Variants in MIA2 observed in about 807,000 individuals in gnomAD.
MIA2 encodes the protein melanoma inhibitory activity protein 2.
Under a neutral mutation model 167.8 loss-of-function variants are expected in MIA2, and 127 were observed. The ratio of observed to expected loss-of-function variants is 0.76; its 90% CI spans 0.66 to 0.88. The LOEUF (loss-of-function observed/expected upper bound fraction) is 0.88. Among genes scored for constraint, MIA2 ranks in the 40% least tolerant of loss-of-function variants. MIA2 has a pLI of 0.00. For synonymous variants in MIA2, 552 were observed against 541.9 expected (o/e 1.02, Z -0.26); for missense variants, 1,690 against 1,624.7 (o/e 1.04, Z -0.69).
At chr14:39,286,094 G>A (rs1325636985) in intron 9 of MIA2, among the ~76,000 whole-genome samples, 13 of 152,114 alleles carry the variant, frequency 8.5e-5, no homozygotes, top group Middle Eastern at 6.8e-3. Flanking sequence ...CAAGGCAGGT[G>A]GCTGGGAGGT....
chr14:39,294,896 A>G, intron 12 of MIA2, 29 bp from the exon 13 acceptor site: 1 of 1,432,624 alleles, frequency 7.0e-7, no homozygotes, highest in Non-Finnish European at 9.8e-7. Context: ...ATTAATTGTT[A>G]CAAACTTGAC....
intron 19 of MIA2, 52 bp from the exon 20 acceptor site, chr14:39,314,687 C>A: frequency 1.7e-6 from 2 of 1,177,204 alleles, no homozygotes; most frequent in Non-Finnish European, 2.3e-6. Context: ...AGAGTATGTT[C>A]TGTCATTTCA....
chr14:39,276,816 G>A, intron 6 of MIA2, 118 bp from the exon 7 acceptor site: 1 of 1,036,256 alleles, frequency 9.7e-7, no homozygotes, highest in Non-Finnish European at 1.4e-6. Flanking sequence ...GATACTTTCT[G>A]TTTGGTGTTA....
chr14:39,295,297 C>T (rs1018944259), intron 13 of MIA2, among the ~76,000 whole-genome samples: 8 of 152,100 alleles, frequency 5.3e-5, no homozygotes, highest in South Asian at 4.2e-4. Context: ...AAAGCCATGC[C>T]GAAGGGGTAC....
chr14:39,341,667 GAAA>G (rs561192404), intron 25 of MIA2, among the ~76,000 whole-genome samples: 1 of 151,774 alleles, frequency 6.6e-6, no homozygotes, highest in Non-Finnish European at 1.5e-5. Flanking sequence ...GATCTGAAGA[GAAA>G]AAAAGGTATG....
At chr14:39,258,202 C>G (rs2054909983) in intron 6 of MIA2, among the ~76,000 whole-genome samples, 2 of 152,140 alleles carry the variant, frequency 1.3e-5, no homozygotes, top group African/African-American at 4.8e-5. Flanking sequence ...TCCATTCTCT[C>G]CATTACTTTC....
chr14:39,315,644 A>G (rs763559449), intron 20 of MIA2, 39 bp from the exon 21 acceptor site: 9 of 1,468,914 alleles, frequency 6.1e-6, no homozygotes, highest in Non-Finnish European at 7.5e-6. Context: ...ACTTAAGAAA[A>G]ATAATGGTCA....
rs373046158 is a variant in MIA2 at position 39,307,390 on chromosome 14, ATTTTTTTT to A, written c.2879-1038_2879-1031del. Reference sequence around the variant, plus strand: ...ATAAATAATAACAAAAGTTAAAAGAATTTTTTTTTTTTTTTTTTTTTTTTTTTTGGAGA... The same window carrying A: ...ATAAATAATAACAAAAGTTAAAAGAATTTTTTTTTTTTTTTTTTTTGGAGA... On this transcript the variant is annotated intron_variant, in intron 17 of 28. Coordinates refer to ENST00000640607, the MANE Select transcript of MIA2 (RefSeq NM_001329214.4). Among the ~76,000 whole-genome samples, 21 of 67,532 alleles carry A rather than the reference ATTTTTTTT, an allele frequency of 3.1e-4. 1 individual carries two copies. In the Middle Eastern group the frequency reaches 0.033, roughly 105 times the overall value. 44.3% of individuals were successfully genotyped at this position (67,532 alleles called of 152,430 possible). A position where few individuals can be genotyped will look rare whatever the true frequency, so the allele number is the denominator to read the frequency against.
rs1372100362 is a variant in MIA2, at chr14:39,298,443, A to ATATATATATATATGT, written c.2497-1421_2497-1420insTATATATATATATGT. Among the ~76,000 whole-genome samples the ATATATATATATATGT allele has an allele frequency of 5.8e-3, 288 of 49,976 alleles. 37 individuals carry two copies. Among genetic ancestry groups the ATATATATATATATGT allele is most frequent in the Middle Eastern group, 0.019 (2 of 106 alleles). The allele number at this position is 49,976 out of a possible 152,430, so 32.8% of individuals were successfully genotyped here. ...TATATATATATATATATATATATAT[A>ATATATATATATATGT]AAGATTAGTTTTTCATGTGTTCGGA... On this transcript the variant is annotated intron_variant, in intron 13 of 28. Transcript: ENST00000640607.
chr14:39,316,424 C>G (rs1302510929), intron 21 of MIA2, among the ~76,000 whole-genome samples: 1 of 152,172 alleles, frequency 6.6e-6, no homozygotes, highest in Non-Finnish European at 1.5e-5. Context: ...CATCACCTAT[C>G]ATCAGTTTTC....
At chr14:39,269,057 G>A (rs1319130522) in intron 6 of MIA2, 4 of 511,964 alleles carry the variant, frequency 7.8e-6, no homozygotes, top group Non-Finnish European at 9.7e-6. Context: ...CTGGTGCGTT[G>A]TATCTTCACC....
chr14:39,331,271 A>G (rs1482490143), intron 25 of MIA2, among the ~76,000 whole-genome samples: 2 of 152,040 alleles, frequency 1.3e-5, no homozygotes, highest in Non-Finnish European at 2.9e-5. Context: ...AGAGACTAGG[A>G]TTACAACCCT....
intron 14 of MIA2, among the ~76,000 whole-genome samples, chr14:39,300,367 T>A (rs778406020): frequency 1.2e-4 from 19 of 152,148 alleles, no homozygotes; most frequent in Admixed American, 2.6e-4. Context: ...GTAACTGGTG[T>A]ATGTACTTTG....
At chr14:39,246,595 G>C (rs1032032503) in intron 3 of MIA2, among the ~76,000 whole-genome samples, 1 of 152,158 alleles carries the variant, frequency 6.6e-6, no homozygotes, top group African/African-American at 2.4e-5. Flanking sequence ...AGCTACTTGG[G>C]AGGCTGAGGA....
At chr14:39,368,532 T>G (rs1214901550) in intron 23 of MIA2, among the ~76,000 whole-genome samples, 1 of 152,174 alleles carries the variant, frequency 6.6e-6, no homozygotes, top group Non-Finnish European at 1.5e-5. Flanking sequence ...AGACATGATT[T>G]GGTGTACCGT....
At chr14:39,347,330 CTCTT>C (rs949845474) in intron 26 of MIA2, among the ~76,000 whole-genome samples, 2 of 152,016 alleles carry the variant, frequency 1.3e-5, no homozygotes, top group African/African-American at 4.8e-5. Flanking sequence ...TAGCTAGTCT[CTCTT>C]ACTTAATGGA....
intron 6 of MIA2, among the ~76,000 whole-genome samples, chr14:39,268,605 C>T (rs1343059406): frequency 6.6e-6 from 1 of 152,102 alleles, no homozygotes; most frequent in Non-Finnish European, 1.5e-5. Context: ...TAAGTAGGTT[C>T]CAAGTGCTGT....
In MIA2 at chr14:39,298,413, T is replaced by TTATATATATATATATGTATATATATA. The variant is rs1595261864; in HGVS notation, c.2497-1436_2497-1435insGTATATATATATATATATATATATAT. 2.7e-4 allele frequency among the ~76,000 whole-genome samples: 7 copies of TTATATATATATATATGTATATATATA among 26,152 alleles called. No homozygotes were observed. The East Asian group carries it at 9.5e-3, about 36-fold the overall frequency. The allele number at this position is 26,152 out of a possible 152,430, so 17.2% of individuals were successfully genotyped here. A position where few individuals can be genotyped will look rare whatever the true frequency, so the allele number is the denominator to read the frequency against. On this transcript the variant is annotated intron_variant, in intron 13 of 28. Transcript: ENST00000640607. ...TTTACCTGTATCATCTGATTCTGTT[T>TTATATATATATATATGTATATATATA]TATATATATATATATATATATATAT...
chr14:39,236,154 T>A (rs1337941723), intron 1 of MIA2, among the ~76,000 whole-genome samples: 1 of 152,036 alleles, frequency 6.6e-6, no homozygotes, highest in African/African-American at 2.4e-5. Flanking sequence ...TTAATTTTAG[T>A]GAAGGATGAC....
Sources: gnomAD v4.1 joint callset for allele counts (sites outside exome capture counted in the v4.1 genomes callset) on GRCh38, gnomAD v4.1.1 for gene constraint, MANE v1.5 for transcripts, NCBI Gene and HGNC (gene_info 2026-07-23, HGNC 2026-07-21) for gene names.